The following SEMA5A variants were observed in gnomAD, a reference collection of about 807,000 sequenced individuals.
The protein encoded by SEMA5A is semaphorin-5A.
In SEMA5A, 55 loss-of-function variants were observed where a neutral mutation model predicts 135.5. The observed-to-expected ratio is 0.41, with a 90% CI of 0.33 to 0.51. The LOEUF (loss-of-function observed/expected upper bound fraction) is 0.51. Among genes scored for constraint, SEMA5A ranks in the 20% least tolerant of loss-of-function variants. SEMA5A has a pLI of 0.37. For missense variants in SEMA5A, 1,290 were observed against 1,419.9 expected (o/e 0.91, Z 1.47); for synonymous variants, 580 against 546.5 (o/e 1.06, Z -0.85).
At chr5:9,133,485 A>C (rs1741553313) in intron 13 of SEMA5A, among the ~76,000 whole-genome samples, 1 of 152,224 alleles carries the variant, frequency 6.6e-6, no homozygotes, top group Admixed American at 6.5e-5. Context: ...GGGTGGGATG[A>C]CAGACATAGT....
intron 3 of SEMA5A, among the ~76,000 whole-genome samples, chr5:9,339,499 T>G: frequency 6.6e-6 from 1 of 152,070 alleles, no homozygotes; most frequent in Non-Finnish European, 1.5e-5. Flanking sequence ...CTGCAGTGCA[T>G]GCAGCATACA....
At position 9,305,708 on chromosome 5, in the gene SEMA5A, G is replaced by A. The variant is rs933521161; in HGVS notation, c.270+12664C>T. Among the ~76,000 whole-genome samples, 98 of 139,234 alleles carry A rather than the reference G, an allele frequency of 7.0e-4. 1 individual carries two copies. Among genetic ancestry groups the A allele is most frequent in the African/African-American group, 2.6e-3 (92 of 35,892 alleles). The allele number at this position is 139,234 out of a possible 152,430, so 91.3% of individuals were successfully genotyped here. ...CAGTATATATACTGTGTGTGTGTGC[G>A]TATATATATATATATATATTTACAC... is the stretch of plus-strand genomic sequence containing the variant. On this transcript the variant is annotated intron_variant, in intron 5 of 22. Coordinates refer to ENST00000382496, the MANE Select transcript of SEMA5A (RefSeq NM_003966.3).
chr5:9,408,340 C>A (rs1756978413), intron 2 of SEMA5A, among the ~76,000 whole-genome samples: 1 of 152,214 alleles, frequency 6.6e-6, no homozygotes, highest in African/African-American at 2.4e-5. Context: ...CACTTCTTAA[C>A]TCCACTAGAC....
At chr5:9,197,784 G>GTGTGTT (rs1554001604) in intron 9 of SEMA5A, among the ~76,000 whole-genome samples, 1 of 108,646 alleles carries the variant, frequency 9.2e-6, no homozygotes, top group Non-Finnish European at 1.7e-5. Flanking sequence ...GTGTGTGTGT[G>GTGTGTT]TTTTAACCCA....
At chr5:9,268,901 AG>A (rs1268197088) in intron 5 of SEMA5A, among the ~76,000 whole-genome samples, 1 of 152,190 alleles carries the variant, frequency 6.6e-6, no homozygotes, top group Non-Finnish European at 1.5e-5. Context: ...TTATTTTTAA[AG>A]TAAGTATATT....
chr5:9,236,957 G>A (rs552247068), intron 6 of SEMA5A, among the ~76,000 whole-genome samples: 136 of 152,244 alleles, frequency 8.9e-4, no homozygotes, highest in African/African-American at 3.1e-3. Context: ...AATACAGAAG[G>A]GGGAGGATCT....
intron 2 of SEMA5A, among the ~76,000 whole-genome samples, chr5:9,396,423 C>T (rs931620836): frequency 6.6e-6 from 1 of 152,092 alleles, no homozygotes; most frequent in Non-Finnish European, 1.5e-5. Context: ...GCATTTGGAG[C>T]CTTGTTTCTA....
chr5:9,371,914 A>G (rs541265397), intron 3 of SEMA5A, among the ~76,000 whole-genome samples: 2 of 152,340 alleles, frequency 1.3e-5, no homozygotes, highest in East Asian at 3.9e-4. Flanking sequence ...GTGTCTTCCT[A>G]TATGTTAATC....
chr5:9,224,797 C>T lies in SEMA5A; in HGVS notation c.523G>A (p.Ala175Thr). ...PQHNSTALLT[A>T]GGELYAATAM... ...GTAGCAGCATAGAGCTCCCCACCAGCTGTGAGGAGCGCTGTGGAATTGTGC... is the reference window on the plus strand; with the variant it reads ...GTAGCAGCATAGAGCTCCCCACCAGTTGTGAGGAGCGCTGTGGAATTGTGC... The change falls in exon 8 of 23, where the codon GCT (alanine) becomes ACT (threonine). Residue 175 changes from alanine to threonine, a missense_variant. Physicochemically the swap from Ala to Thr is moderately conservative, Grantham distance 58. Transcript: ENST00000382496. The T allele has an allele frequency of 1.2e-6, 2 of 1,614,052 alleles. No homozygotes were observed. Among genetic ancestry groups the T allele is most frequent in the Non-Finnish European group, 1.7e-6 (2 of 1,179,934 alleles).
Position 9,037,343 on chromosome 5 carries a change from G to A in SEMA5A, c.*5554C>T, listed in dbSNP as rs1040402824. The A allele has an allele frequency of 6.6e-6, 1 of 152,188 alleles. No individual in the cohort carries two copies. Among genetic ancestry groups the A allele is most frequent in the Non-Finnish European group, 1.5e-5 (1 of 68,032 alleles). 9.4% of individuals were successfully genotyped at this position (152,188 alleles called of 1,614,324 possible). On this transcript the variant is annotated 3_prime_UTR_variant, in exon 23 of 23. Transcript: ENST00000382496. ...ATCCATCAAAAAGGCTGTGTTTTGA[G>A]ACAGCTTTCACTAGGAAGTATACAT...
intron 1 of SEMA5A, among the ~76,000 whole-genome samples, chr5:9,474,060 A>G (rs1759578467): frequency 6.6e-6 from 1 of 152,188 alleles, no homozygotes; most frequent in African/African-American, 2.4e-5. Flanking sequence ...GCGATGTCAA[A>G]TGAGTTTTTT....
chr5:9,245,364 C>T (rs1561066012), intron 5 of SEMA5A, among the ~76,000 whole-genome samples: 1 of 151,998 alleles, frequency 6.6e-6, no homozygotes, highest in Non-Finnish European at 1.5e-5. Flanking sequence ...GAACCTATCC[C>T]CCGTAGATAA....
chr5:9,141,404 CATAA>C (rs1281517112), intron 12 of SEMA5A, among the ~76,000 whole-genome samples: 1 of 152,050 alleles, frequency 6.6e-6, no homozygotes, highest in African/African-American at 2.4e-5. Flanking sequence ...TTTTGTACCC[CATAA>C]ATATATTCTG....
chr5:9,352,315 TTTTTTAATTTGTATC>T (rs1754160979), intron 3 of SEMA5A, among the ~76,000 whole-genome samples: 1 of 152,166 alleles, frequency 6.6e-6, no homozygotes, highest in Admixed American at 6.5e-5. Flanking sequence ...TTTTATTTTA[TTTTTTAATTTGTATC>T]TATCTATCCA....
chr5:9,166,305 G>A (rs996992262), intron 11 of SEMA5A, among the ~76,000 whole-genome samples: 1 of 151,984 alleles, frequency 6.6e-6, no homozygotes, highest in African/African-American at 2.4e-5. Context: ...GGCCTCTGGG[G>A]CACAACAGCC....
At chr5:9,156,277 G>A (rs1438311668) in intron 11 of SEMA5A, among the ~76,000 whole-genome samples, 9 of 152,178 alleles carry the variant, frequency 5.9e-5, no homozygotes, top group Admixed American at 5.9e-4. Flanking sequence ...GGAAAATTCA[G>A]CCTCAATGAT....
At chr5:9,241,031 C>A (rs906073208) in intron 5 of SEMA5A, among the ~76,000 whole-genome samples, 1 of 151,988 alleles carries the variant, frequency 6.6e-6, no homozygotes, top group African/African-American at 2.4e-5. Context: ...AGAAATATTT[C>A]TACTCTAGGC....
At chr5:9,540,849 GGTTTT>G (rs891513306) in intron 1 of SEMA5A, among the ~76,000 whole-genome samples, 5 of 152,034 alleles carry the variant, frequency 3.3e-5, no homozygotes, top group African/African-American at 7.3e-5. Context: ...TCACATCTCC[GGTTTT>G]GTTTTGTTTT....
At chr5:9,338,825 G>C (rs988447479) in intron 3 of SEMA5A, among the ~76,000 whole-genome samples, 2 of 152,102 alleles carry the variant, frequency 1.3e-5, no homozygotes, top group Non-Finnish European at 2.9e-5. Context: ...TTTAATGGGG[G>C]CATATGGAAA....
Sources: gnomAD v4.1 joint callset for allele counts (sites outside exome capture counted in the v4.1 genomes callset) on GRCh38, gnomAD v4.1.1 for gene constraint, MANE v1.5 for transcripts, NCBI Gene and HGNC (gene_info 2026-07-23, HGNC 2026-07-21) for gene names.